The following NDST3 variants were observed in gnomAD, a reference collection of about 807,000 sequenced individuals.
NDST3 encodes bifunctional heparan sulfate N-deacetylase/N-sulfotransferase 3.
In NDST3, 58 loss-of-function variants were observed where a neutral mutation model predicts 96.1. That is an observed-to-expected ratio of 0.60 (90% CI 0.49 to 0.75). The LOEUF (loss-of-function observed/expected upper bound fraction) is 0.75. Among genes scored for constraint, NDST3 ranks in the 30% least tolerant of loss-of-function variants. NDST3 has a pLI of 0.00. For synonymous variants in NDST3, 333 were observed against 359.7 expected (o/e 0.93, Z 0.84); for missense variants, 788 against 1,034.2 (o/e 0.76, Z 3.27).
rs35139409 is a variant in NDST3 at position 118,173,134 on chromosome 4, ATGTGTGTG to A, written c.1539+29464_1539+29471del. ...CACAACAACTCTATGAGGCATATAT[ATGTGTGTG>A]TGTGTGTGTGTGTATATATATATAT... is the stretch of plus-strand genomic sequence containing the variant. On this transcript the variant is annotated intron_variant, in intron 6 of 13. Coordinates refer to ENST00000296499, the MANE Select transcript of NDST3 (RefSeq NM_004784.3). 8.8e-5 allele frequency among the ~76,000 whole-genome samples: 13 copies of A among 148,346 alleles called. No homozygotes were observed. The East Asian group carries it at 1.8e-3, about 20-fold the overall frequency.
chr4:118,252,715 ACT>A, intron 12 of NDST3, among the ~76,000 whole-genome samples: 1 of 152,012 alleles, frequency 6.6e-6, no homozygotes, highest in Admixed American at 6.5e-5. Flanking sequence ...ACATGGAGAA[ACT>A]CCGTCTCTAC....
chr4:118,065,460 C>A (rs1244875057), intron 2 of NDST3, among the ~76,000 whole-genome samples: 2 of 152,016 alleles, frequency 1.3e-5, no homozygotes, highest in Non-Finnish European at 2.9e-5. Flanking sequence ...AAATGTACCT[C>A]ACCAAAGATT....
intron 2 of NDST3, among the ~76,000 whole-genome samples, chr4:118,084,290 A>T (rs537952085): frequency 2.8e-4 from 42 of 152,268 alleles, no homozygotes; most frequent in African/African-American, 9.6e-4. Context: ...TATAGTAATC[A>T]TTTTACTATC....
At chr4:118,164,092 A>G (rs1328387775) in intron 6 of NDST3, among the ~76,000 whole-genome samples, 2 of 152,206 alleles carry the variant, frequency 1.3e-5, no homozygotes, top group Non-Finnish European at 2.9e-5. Flanking sequence ...GAACCAGCCT[A>G]AATGCCCATC....
At chr4:118,159,106 T>C (rs962800148) in intron 6 of NDST3, among the ~76,000 whole-genome samples, 3 of 152,180 alleles carry the variant, frequency 2.0e-5, no homozygotes, top group African/African-American at 7.2e-5. Flanking sequence ...GCTTGTACAT[T>C]TTTGTACATT....
chr4:118,041,380 T>A (rs1195936226), intron 1 of NDST3, among the ~76,000 whole-genome samples: 1 of 152,232 alleles, frequency 6.6e-6, no homozygotes, highest in Admixed American at 6.5e-5. Context: ...TCTTCCCATA[T>A]CATATTATTT....
chr4:118,085,826 A>G (rs1026642686), intron 2 of NDST3, among the ~76,000 whole-genome samples: 1 of 152,236 alleles, frequency 6.6e-6, no homozygotes, highest in Non-Finnish European at 1.5e-5. Context: ...GAAGAATTTC[A>G]TTCTGTCAAC....
At position 118,237,124 on chromosome 4, in the gene NDST3, A is replaced by G; in HGVS notation, c.2022A>G (p.Ser674=). The change falls in exon 10 of 14, where the codon TCA becomes TCG. Residue 674 remains serine, a synonymous_variant. Transcript: ENST00000296499. ...LFEKSANYFH[S]EEAPKRAASL... ...AGAAGAGTGCCAATTACTTCCACTC[A>G]GAGGAAGCCCCTAAAAGAGCTGCTT... 6.2e-7 allele frequency: 1 copy of G among 1,613,564 alleles called. No individual in the cohort carries two copies. The highest frequency in any genetic ancestry group is 8.5e-7 in the Non-Finnish European group (1 of 1,179,654).
chr4:118,095,623 A>T (rs749356724), intron 2 of NDST3, among the ~76,000 whole-genome samples: 8 of 151,772 alleles, frequency 5.3e-5, no homozygotes, highest in Non-Finnish European at 8.8e-5. Flanking sequence ...AAAGTAAACA[A>T]TTCAGTAGCA....
At chr4:118,047,175 A>G (rs1403532370) in intron 1 of NDST3, among the ~76,000 whole-genome samples, 1 of 152,252 alleles carries the variant, frequency 6.6e-6, no homozygotes, top group African/African-American at 2.4e-5. Context: ...CCCCTGTGAA[A>G]CCAAGGGCAA....
chr4:118,086,876 A>G lies in NDST3; in HGVS notation c.982-18142A>G, dbSNP rs148485509. On this transcript the variant is annotated intron_variant, in intron 2 of 13. Coordinates refer to ENST00000296499, the MANE Select transcript of NDST3 (RefSeq NM_004784.3). ...ATGTGGACTAAGAAATAAACATAAT[A>G]TTAGCAAAACACATTATCTTTCCAT... Among the ~76,000 whole-genome samples the G allele has an allele frequency of 2.1e-3, 327 of 152,306 alleles. 1 individual carries two copies. The highest frequency in any genetic ancestry group is 3.4e-3 in the Middle Eastern group (1 of 294).
chr4:118,092,462 C>G (rs1294698812), intron 2 of NDST3, among the ~76,000 whole-genome samples: 1 of 151,784 alleles, frequency 6.6e-6, no homozygotes, highest in Non-Finnish European at 1.5e-5. Context: ...GTTTCTGATT[C>G]TGATTCCTCA....
chr4:118,204,159 C>T (rs1434105487), intron 6 of NDST3, among the ~76,000 whole-genome samples: 1 of 152,106 alleles, frequency 6.6e-6, no homozygotes, highest in African/African-American at 2.4e-5. Flanking sequence ...AGAGAACTTA[C>T]CATCATCCCC....
chr4:118,237,715 C>T (rs1398790717), intron 10 of NDST3, among the ~76,000 whole-genome samples: 2 of 152,138 alleles, frequency 1.3e-5, no homozygotes, highest in Non-Finnish European at 2.9e-5. Flanking sequence ...TAAAACTTTA[C>T]TGAATAGGCA....
At chr4:118,087,646 TG>T (rs1728536646) in intron 2 of NDST3, among the ~76,000 whole-genome samples, 1 of 152,112 alleles carries the variant, frequency 6.6e-6, no homozygotes, top group African/African-American at 2.4e-5. Context: ...ATACTTGACA[TG>T]TATGATTGGG....
At chr4:118,080,134 AC>A (rs903679511) in intron 2 of NDST3, among the ~76,000 whole-genome samples, 1 of 152,054 alleles carries the variant, frequency 6.6e-6, no homozygotes, top group African/African-American at 2.4e-5. Context: ...GATGTGCCTT[AC>A]GGATTAAATT....
intron 2 of NDST3, among the ~76,000 whole-genome samples, chr4:118,062,358 A>G (rs1346383625): frequency 1.3e-5 from 2 of 152,152 alleles, no homozygotes; most frequent in South Asian, 2.1e-4. Flanking sequence ...GAAGTCACCT[A>G]AACATTTTTG....
At chr4:118,073,399 A>C (rs1727243647) in intron 2 of NDST3, among the ~76,000 whole-genome samples, 1 of 152,018 alleles carries the variant, frequency 6.6e-6, no homozygotes, top group East Asian at 1.9e-4. Context: ...TCAATTTCAG[A>C]ACTCATTATT....
Position 118,226,919 on chromosome 4 carries a change from T to C in NDST3, c.1756T>C (p.Trp586Arg). 1 of 1,613,690 alleles carries C rather than the reference T, an allele frequency of 6.2e-7. No homozygotes were observed. Among genetic ancestry groups the C allele is most frequent in the Non-Finnish European group, 8.5e-7 (1 of 1,179,830 alleles). The change falls in exon 8 of 14, where the codon TGG becomes CGG. Residue 586 changes from tryptophan (W) to arginine (R), a missense_variant. This residue lies in a region of NDST3 where 490 missense variants were observed against 708.8 expected (regional missense o/e 0.69). Coordinates refer to ENST00000296499, the MANE Select transcript of NDST3 (RefSeq NM_004784.3). ...PCDDKRHRDIWSKEKTCDRLP... is the reference protein window; with the variant it reads ...PCDDKRHRDIRSKEKTCDRLP... ...CGATGACAAACGCCACAGAGACATT[T>C]GGTCTAAAGAAAAAACTTGTGATCG... is the stretch of plus-strand genomic sequence containing the variant.
Sources: allele counts gnomAD v4.1 joint callset (sites outside exome capture counted in the v4.1 genomes callset), GRCh38; gene constraint gnomAD v4.1.1; regional missense constraint gnomAD v4.1.1; transcripts MANE v1.5; gene names NCBI Gene and HGNC (gene_info 2026-07-23, HGNC 2026-07-21).